The following PDE4D variants were observed in gnomAD, a reference collection of about 807,000 sequenced individuals.
PDE4D encodes phosphodiesterase 4D.
A neutral mutation model predicts 87.4 loss-of-function variants in PDE4D; 24 were observed. The observed-to-expected ratio is 0.27, with a 90% CI of 0.20 to 0.39. PDE4D has a LOEUF of 0.39. Ranked by LOEUF, PDE4D falls within the 10% of genes least tolerant of loss-of-function variation. PDE4D has a pLI of 1.00. For synonymous variants in PDE4D, 384 were observed against 383.2 expected (o/e 1.00, Z -0.02); for missense variants, 714 against 1,041.0 (o/e 0.69, Z 4.32).
chr5:59,217,233 AGCAGG>A, intron 1 of PDE4D: 1 of 456,036 alleles, frequency 2.2e-6, no homozygotes, highest in Non-Finnish European at 4.4e-6. Context: ...ATGATAGCCC[AGCAGG>A]TGTGTGGTTT....
At chr5:60,006,136 G>T (rs527933513) in intron 2 of PDE4D, among the ~76,000 whole-genome samples, 6 of 151,774 alleles carry the variant, frequency 4.0e-5, no homozygotes, top group Non-Finnish European at 5.9e-5. Context: ...GAAAATAATT[G>T]TAGAGGAAGG....
chr5:59,516,880 C>T (rs1811257775), intron 1 of PDE4D, among the ~76,000 whole-genome samples: 1 of 152,026 alleles, frequency 6.6e-6, no homozygotes, highest in Non-Finnish European at 1.5e-5. Context: ...CATGTGATCA[C>T]ATATTCTTTC....
chr5:59,038,900 G>T lies in PDE4D; in HGVS notation c.880C>A (p.Leu294Ile). ...LDWCLDQLET[L>I]QTRHSVSEMA... ...TCACTGACGGAGTGCCTGGTCTGTA[G>T]GGTCTCTAGCTGGTCCAGACACCAG... is the stretch of plus-strand genomic sequence containing the variant. Residue 294 changes from leucine (L) to isoleucine (I), a missense_variant, in exon 6 of 15, where the codon CTA (leucine) becomes ATA (isoleucine). Physicochemically the swap from Leu to Ile is conservative, Grantham distance 5. Transcript: ENST00000340635. 6.2e-7 allele frequency: 1 copy of T among 1,601,088 alleles called. No homozygotes were observed. The highest frequency in any genetic ancestry group is 1.1e-5 in the South Asian group (1 of 88,852).
intron 1 of PDE4D, among the ~76,000 whole-genome samples, chr5:59,816,882 T>A (rs1380629185): frequency 6.6e-6 from 1 of 152,174 alleles, no homozygotes; most frequent in African/African-American, 2.4e-5. Context: ...ATGCACACTT[T>A]AAAATGAATT....
intron 1 of PDE4D, among the ~76,000 whole-genome samples, chr5:59,877,786 T>G (rs1748828952): frequency 6.6e-6 from 1 of 151,926 alleles, no homozygotes; most frequent in Non-Finnish European, 1.5e-5. Flanking sequence ...GCCACTGCAC[T>G]CCAGCCTGAG....
intron 1 of PDE4D, among the ~76,000 whole-genome samples, chr5:59,512,869 T>TTCC (rs1217607914): frequency 6.6e-6 from 1 of 152,164 alleles, no homozygotes; most frequent in Admixed American, 6.5e-5. Flanking sequence ...AGATAAAAAG[T>TTCC]TATTTCTATT....
intron 1 of PDE4D, among the ~76,000 whole-genome samples, chr5:59,364,785 C>A (rs1305064561): frequency 6.6e-6 from 1 of 152,144 alleles, no homozygotes; most frequent in East Asian, 1.9e-4. Flanking sequence ...AACAGCTAAT[C>A]AAACCAACCA....
chr5:59,928,581 A>G (rs1755539830), intron 3 of PDE4D, among the ~76,000 whole-genome samples: 1 of 152,096 alleles, frequency 6.6e-6, no homozygotes, highest in Admixed American at 6.5e-5. Context: ...CCATCTCAAA[A>G]AAAAGAAAAA....
chr5:59,584,642 A>T (rs1473967212), intron 1 of PDE4D, among the ~76,000 whole-genome samples: 5 of 152,238 alleles, frequency 3.3e-5, no homozygotes, highest in Non-Finnish European at 7.3e-5. Flanking sequence ...AGGCTAATGC[A>T]ATAAAAATAA....
chr5:59,314,806 T>G (rs1773374015), intron 1 of PDE4D: 1 of 152,188 alleles, frequency 6.6e-6, no homozygotes, highest in Non-Finnish European at 1.5e-5. Context: ...CGTCTACTTC[T>G]TTTTGGCCCC....
intron 1 of PDE4D, among the ~76,000 whole-genome samples, chr5:59,419,259 T>C (rs2153626365): frequency 6.6e-6 from 1 of 152,316 alleles, no homozygotes; most frequent in Non-Finnish European, 1.5e-5. Context: ...GTAGTTATAA[T>C]TTATTTTTCC....
chr5:60,234,247 T>C (rs1039106691), intron 1 of PDE4D, among the ~76,000 whole-genome samples: 6 of 151,840 alleles, frequency 4.0e-5, no homozygotes, highest in African/African-American at 1.4e-4. Context: ...ATTTTCAAGG[T>C]TCATCCATGT....
chr5:59,584,816 T>C (rs141601876), intron 1 of PDE4D, among the ~76,000 whole-genome samples: 7 of 152,154 alleles, frequency 4.6e-5, no homozygotes, highest in African/African-American at 1.2e-4. Flanking sequence ...CCCAAGCAAA[T>C]CTTAAGAGGT....
At chr5:59,759,551 C>A (rs779289628) in intron 1 of PDE4D, among the ~76,000 whole-genome samples, 2 of 152,164 alleles carry the variant, frequency 1.3e-5, no homozygotes, top group South Asian at 2.1e-4. Flanking sequence ...CATGACAAGC[C>A]AATCGGCATG....
intron 1 of PDE4D, among the ~76,000 whole-genome samples, chr5:60,350,730 A>G (rs1433213011): frequency 6.6e-6 from 1 of 152,124 alleles, no homozygotes; most frequent in Non-Finnish European, 1.5e-5. Flanking sequence ...GATTTGGCTC[A>G]CTTTTTTCTA....
chr5:59,320,607 A>G (rs1308383359), intron 1 of PDE4D, among the ~76,000 whole-genome samples: 1 of 152,192 alleles, frequency 6.6e-6, no homozygotes, highest in East Asian at 1.9e-4. Context: ...ATGAACTACT[A>G]TATTGTCAAT....
intron 1 of PDE4D, among the ~76,000 whole-genome samples, chr5:59,227,566 G>A (rs1047571218): frequency 1.8e-4 from 27 of 151,782 alleles, no homozygotes; most frequent in Non-Finnish European, 3.1e-4. Context: ...AAACCAAACC[G>A]CCCCATTAAA....
At chr5:59,380,255 T>C (rs1785497553) in intron 1 of PDE4D, among the ~76,000 whole-genome samples, 1 of 151,870 alleles carries the variant, frequency 6.6e-6, no homozygotes, top group Non-Finnish European at 1.5e-5. Flanking sequence ...AAATAACTTA[T>C]TTACTACAAA....
intron 2 of PDE4D, among the ~76,000 whole-genome samples, chr5:60,159,027 G>T (rs1364434070): frequency 6.6e-6 from 1 of 152,106 alleles, no homozygotes; most frequent in Non-Finnish European, 1.5e-5. Flanking sequence ...AACTGTAGAA[G>T]AATATTTTCT....
Sources: allele counts gnomAD v4.1 joint callset (sites outside exome capture counted in the v4.1 genomes callset), GRCh38; gene constraint gnomAD v4.1.1; transcripts MANE v1.5; gene names NCBI Gene and HGNC (gene_info 2026-07-23, HGNC 2026-07-21).